Variants in UBE2H observed in about 807,000 individuals in gnomAD.
UBE2H encodes ubiquitin-conjugating enzyme E2 H.
UBE2H carries 3 observed loss-of-function variants against 29.0 expected under a neutral mutation model. That is an observed-to-expected ratio of 0.10 (90% CI 0.05 to 0.27). UBE2H has a LOEUF of 0.27. UBE2H is among the 10% of genes least tolerant of loss of function. The pLI, the probability that UBE2H is intolerant of heterozygous loss-of-function variation, is 1.00. For synonymous variants in UBE2H, 69 were observed against 82.9 expected (o/e 0.83, Z 0.91); for missense variants, 68 against 228.2 (o/e 0.30, Z 4.52).
chr7:129,858,348 A>T (rs548241221), intron 4 of UBE2H, among the ~76,000 whole-genome samples: 105 of 152,308 alleles, frequency 6.9e-4, no homozygotes, highest in Non-Finnish European at 1.3e-3. Flanking sequence ...TGTGAGAGAC[A>T]GTAAAACTTA....
intron 1 of UBE2H, among the ~76,000 whole-genome samples, chr7:129,897,976 G>C (rs1196299383): frequency 1.3e-5 from 2 of 151,116 alleles, no homozygotes; most frequent in Non-Finnish European, 1.5e-5. Flanking sequence ...GATGAAAGAA[G>C]TGGGATAAAA....
At position 129,935,275 on chromosome 7, in the gene UBE2H, G is replaced by A. The variant is rs552062951; in HGVS notation, c.53+17228C>T. 1.4e-4 allele frequency among the ~76,000 whole-genome samples: 21 copies of A among 151,694 alleles called. No individual in the cohort carries two copies. The South Asian group carries it at 3.1e-3, about 23-fold the overall frequency. ...CTAAAAATACAAAAATTTGCTGGGC[G>A]TGGTAGTGCATGCCTGAATCCCAGC... On this transcript the variant is annotated intron_variant, in intron 1 of 6. Transcript: ENST00000355621.
intron 1 of UBE2H, among the ~76,000 whole-genome samples, chr7:129,938,542 C>T (rs973006529): frequency 6.7e-6 from 1 of 148,746 alleles, no homozygotes; most frequent in African/African-American, 2.5e-5. Flanking sequence ...TGGAGAAACC[C>T]GTCTCTACTA....
intron 5 of UBE2H, among the ~76,000 whole-genome samples, chr7:129,848,150 G>C (rs531431463): frequency 6.6e-6 from 1 of 152,250 alleles, no homozygotes; most frequent in South Asian, 2.1e-4. Flanking sequence ...TTGAACTCGG[G>C]AGGTGGAGGC....
intron 6 of UBE2H, among the ~76,000 whole-genome samples, chr7:129,838,235 ACCCTAT>A (rs1805366103): frequency 6.6e-6 from 1 of 152,238 alleles, no homozygotes; most frequent in Non-Finnish European, 1.5e-5. Flanking sequence ...TCCAAACAAT[ACCCTAT>A]AGAGACCTTG....
At chr7:129,856,724 C>T (rs1246237289) in intron 5 of UBE2H, among the ~76,000 whole-genome samples, 1 of 152,184 alleles carries the variant, frequency 6.6e-6, no homozygotes, top group Non-Finnish European at 1.5e-5. Flanking sequence ...GGTCCACACA[C>T]AGTTTGAACT....
intron 1 of UBE2H, among the ~76,000 whole-genome samples, chr7:129,890,800 G>A (rs1806468217): frequency 6.6e-6 from 1 of 152,028 alleles, no homozygotes; most frequent in African/African-American, 2.4e-5. Flanking sequence ...AAACCAAGTG[G>A]CAATATATTA....
chr7:129,900,939 A>G (rs1191147924), intron 1 of UBE2H, among the ~76,000 whole-genome samples: 1 of 151,936 alleles, frequency 6.6e-6, no homozygotes, highest in African/African-American at 2.4e-5. Context: ...TTTAGTAGAG[A>G]AGGGGTTTCA....
intron 1 of UBE2H, among the ~76,000 whole-genome samples, chr7:129,934,977 G>A (rs980573581): frequency 6.6e-6 from 1 of 150,640 alleles, no homozygotes; most frequent in Non-Finnish European, 1.5e-5. Context: ...GTGTATATAT[G>A]TGTGTGTATA....
At chr7:129,853,981 T>G (rs1445805159) in intron 5 of UBE2H, among the ~76,000 whole-genome samples, 1 of 151,724 alleles carries the variant, frequency 6.6e-6, no homozygotes, top group Non-Finnish European at 1.5e-5. Context: ...AAGTTTTAGG[T>G]GCCAGGCTTA....
chr7:129,904,203 T>C (rs751949998), intron 1 of UBE2H, among the ~76,000 whole-genome samples: 37 of 152,198 alleles, frequency 2.4e-4, no homozygotes, highest in Admixed American at 2.0e-3. Flanking sequence ...CCCAGGGCCT[T>C]TGCAATGGCT....
At chr7:129,890,442 T>C (rs926291979) in intron 1 of UBE2H, among the ~76,000 whole-genome samples, 3 of 152,074 alleles carry the variant, frequency 2.0e-5, no homozygotes, top group Non-Finnish European at 2.9e-5. Flanking sequence ...TGCAATGGTG[T>C]GGTCTCGGCT....
chr7:129,835,230 G>A (rs1173545942), intron 6 of UBE2H, among the ~76,000 whole-genome samples, 169 bp from the exon 7 acceptor site: 1 of 152,172 alleles, frequency 6.6e-6, no homozygotes, highest in African/African-American at 2.4e-5. Context: ...CCCATAGGGA[G>A]ACTTCTTTGG....
Position 129,834,996 on chromosome 7 carries a change from A to C in UBE2H, c.493T>G (p.Ser165Ala). The C allele has an allele frequency of 6.2e-7, 1 of 1,614,090 alleles. No homozygotes were observed. Among genetic ancestry groups the C allele is most frequent in the Admixed American group, 1.7e-5 (1 of 60,024 alleles). The change falls in exon 7 of 7, where the codon TCA becomes GCA. Residue 165 changes from serine (S) to alanine (A), a missense_variant. Ser to Ala is a moderately conservative substitution (Grantham distance 99). This residue lies in a region of UBE2H where 25 missense variants were observed against 32.4 expected (regional missense o/e 0.77). Coordinates refer to ENST00000355621, the MANE Select transcript of UBE2H (RefSeq NM_003344.4). Reference protein sequence around the residue: ...KEQEEGTGDSSSESSMSDFSE... With the variant: ...KEQEEGTGDSASESSMSDFSE... ...AAGTCAGACATAGAGCTCTCCGATG[A>C]GCTGTCCCCGGTACCCTCTTCCTGT...
chr7:129,908,199 A>G (rs536419261), intron 1 of UBE2H, among the ~76,000 whole-genome samples: 3 of 152,230 alleles, frequency 2.0e-5, no homozygotes, highest in Non-Finnish European at 4.4e-5. Context: ...TACCAGCAGT[A>G]GACAGTTATC....
At chr7:129,929,019 A>G (rs1210815105) in intron 1 of UBE2H, among the ~76,000 whole-genome samples, 1 of 152,206 alleles carries the variant, frequency 6.6e-6, no homozygotes, top group Non-Finnish European at 1.5e-5. Context: ...TAAGTGCCTG[A>G]TAAGAGTAAC....
intron 1 of UBE2H, among the ~76,000 whole-genome samples, chr7:129,891,491 G>A (rs1806486804): frequency 6.6e-6 from 1 of 152,062 alleles, no homozygotes; most frequent in Non-Finnish European, 1.5e-5. Flanking sequence ...GACACAACAG[G>A]AACTTAATTT....
chr7:129,876,187 G>C (rs923220541), intron 3 of UBE2H, among the ~76,000 whole-genome samples: 3 of 152,112 alleles, frequency 2.0e-5, no homozygotes, highest in Admixed American at 2.0e-4. Flanking sequence ...TTAATACACT[G>C]GTCATATCAA....
At chr7:129,929,211 G>C (rs1807337003) in intron 1 of UBE2H, among the ~76,000 whole-genome samples, 1 of 152,084 alleles carries the variant, frequency 6.6e-6, no homozygotes, top group South Asian at 2.1e-4. Context: ...CAGCTACTTG[G>C]GGGGCCGAGG....
Sources: allele counts gnomAD v4.1 joint callset (sites outside exome capture counted in the v4.1 genomes callset), GRCh38; gene constraint gnomAD v4.1.1; regional missense constraint gnomAD v4.1.1; transcripts MANE v1.5; gene names NCBI Gene and HGNC (gene_info 2026-07-23, HGNC 2026-07-21).